Variants in OSBPL10 observed in about 807,000 individuals in gnomAD.
The protein encoded by OSBPL10 is oxysterol-binding protein-related protein 10.
A neutral mutation model predicts 81.7 loss-of-function variants in OSBPL10; 49 were observed. The observed-to-expected ratio is 0.60, with a 90% CI of 0.48 to 0.76. OSBPL10 has a LOEUF of 0.76. Among genes scored for constraint, OSBPL10 ranks in the 30% least tolerant of loss-of-function variants. The pLI is 0.00. For missense variants in OSBPL10, 923 were observed against 987.8 expected (o/e 0.93, Z 0.88); for synonymous variants, 419 against 383.6 (o/e 1.09, Z -1.08).
At chr3:32,021,903 T>C (rs1699366063) in intron 2 of OSBPL10, among the ~76,000 whole-genome samples, 1 of 151,232 alleles carries the variant, frequency 6.6e-6, no homozygotes, top group Non-Finnish European at 1.5e-5. Flanking sequence ...CACCTGAGCC[T>C]GAAGAGGTTG....
intron 4 of OSBPL10, among the ~76,000 whole-genome samples, chr3:31,773,067 CAAAT>C (rs530854734): frequency 8.6e-5 from 13 of 150,630 alleles, no homozygotes; most frequent in East Asian, 3.9e-4. Flanking sequence ...AACAAACTGA[CAAAT>C]AAATAAATAA....
chr3:31,797,087 C>T lies in OSBPL10; in HGVS notation c.729+32953G>A, dbSNP rs191405379. 1.7e-3 allele frequency among the ~76,000 whole-genome samples: 260 copies of T among 150,022 alleles called. 1 individual carries two copies. The highest frequency in any genetic ancestry group is 6.2e-3 in the African/African-American group (253 of 40,854). On this transcript the variant is annotated intron_variant, in intron 4 of 11. Transcript: ENST00000396556. ...TTGGCTCACTGCAAACTCTTTCTCCCGGGTTCAAGTGATTCTCCTGCCTCA... is the reference window on the plus strand; with the variant it reads ...TTGGCTCACTGCAAACTCTTTCTCCTGGGTTCAAGTGATTCTCCTGCCTCA...
chr3:32,028,867 A>G (rs987878619), intron 2 of OSBPL10, among the ~76,000 whole-genome samples: 1 of 150,270 alleles, frequency 6.7e-6, no homozygotes, highest in Non-Finnish European at 1.5e-5. Flanking sequence ...CATGACTCTA[A>G]TCTCTAAGAT....
chr3:31,989,180 C>T, intron 2 of OSBPL10: 1 of 1,614,124 alleles, frequency 6.2e-7, no homozygotes, highest in Non-Finnish European at 8.5e-7. Context: ...ATAGAATTCT[C>T]TTTGGAGGAG....
chr3:32,025,714 A>T (rs9823671), intron 2 of OSBPL10, among the ~76,000 whole-genome samples: 9,569 of 152,248 alleles, frequency 0.063, 513 homozygotes, highest in African/African-American at 0.15. Context: ...CCAGTAATTT[A>T]CATCTTCCTA....
At chr3:31,947,882 G>C (rs9816495) in intron 1 of OSBPL10, among the ~76,000 whole-genome samples, 38,754 of 152,112 alleles carry the variant, frequency 0.25, 5,123 homozygotes, top group East Asian at 0.37. Context: ...TAGGAGTTGA[G>C]ATAAGCCCAG....
intron 1 of OSBPL10, among the ~76,000 whole-genome samples, chr3:31,968,742 A>G (rs182332375): frequency 6.6e-6 from 1 of 152,248 alleles, no homozygotes; most frequent in Non-Finnish European, 1.5e-5. Context: ...GATCTTTGAC[A>G]TAAAAATTCC....
intron 1 of OSBPL10, among the ~76,000 whole-genome samples, chr3:32,047,935 G>T (rs541362845): frequency 6.6e-6 from 1 of 152,170 alleles, no homozygotes; most frequent in South Asian, 2.1e-4. Flanking sequence ...AAAGTGCTGG[G>T]ATTACAGGCA....
intron 4 of OSBPL10, among the ~76,000 whole-genome samples, chr3:31,827,133 G>A (rs1700120671): frequency 6.6e-6 from 1 of 151,754 alleles, no homozygotes. Flanking sequence ...GGCTGGTTTT[G>A]AACTCCTGGC....
intron 5 of OSBPL10, 138 bp downstream of exon 5, chr3:31,747,772 G>T: frequency 2.3e-6 from 2 of 851,914 alleles, no homozygotes; most frequent in Non-Finnish European, 3.8e-6. Context: ...TAGAGACGAA[G>T]GGCAGTAGAA....
intron 1 of OSBPL10, among the ~76,000 whole-genome samples, chr3:32,056,525 C>G (rs1413234141): frequency 1.3e-5 from 2 of 152,184 alleles, no homozygotes; most frequent in Non-Finnish European, 2.9e-5. Context: ...TTAAATTGAA[C>G]ATTTTAATCT....
intron 2 of OSBPL10, among the ~76,000 whole-genome samples, chr3:32,039,526 G>C (rs1699551251): frequency 6.6e-6 from 1 of 151,570 alleles, no homozygotes; most frequent in African/African-American, 2.4e-5. Flanking sequence ...GGGTGTGTTG[G>C]TGGGCACCTG....
chr3:31,817,560 A>ACCCT (rs74838898), intron 4 of OSBPL10, among the ~76,000 whole-genome samples: 29,299 of 151,756 alleles, frequency 0.19, 2,888 homozygotes, highest in Middle Eastern at 0.24. Flanking sequence ...AGCTGCACCC[A>ACCCT]CACCCACACC....
intron 4 of OSBPL10, among the ~76,000 whole-genome samples, chr3:31,814,124 G>A (rs1027277936): frequency 1.3e-5 from 2 of 152,166 alleles, no homozygotes; most frequent in African/African-American, 2.4e-5. Flanking sequence ...CTACTCCTGT[G>A]CCTGACAAGC....
At chr3:31,769,464 AAAAAAC>A (rs1698305100) in intron 4 of OSBPL10, among the ~76,000 whole-genome samples, 1 of 97,822 alleles carries the variant, frequency 1.0e-5, no homozygotes, top group African/African-American at 3.7e-5. Flanking sequence ...AAAAACAAAA[AAAAAAC>A]AAAAAAAAAC....
chr3:32,026,061 A>AGATGATAGATAGATAGATAGATAGAT (rs71628593), intron 2 of OSBPL10, among the ~76,000 whole-genome samples: 7 of 90,760 alleles, frequency 7.7e-5, no homozygotes, highest in African/African-American at 2.5e-4. Context: ...GATAGATGAT[A>AGATGATAGATAGATAGATAGATAGAT]GATAGATAGA....
At chr3:31,929,280 A>T (rs1054342684) in intron 1 of OSBPL10, among the ~76,000 whole-genome samples, 1 of 152,242 alleles carries the variant, frequency 6.6e-6, no homozygotes, top group African/African-American at 2.4e-5. Context: ...CAGGAACAAA[A>T]TAAGAACCAG....
At chr3:31,963,621 A>G (rs1000241676) in intron 1 of OSBPL10, among the ~76,000 whole-genome samples, 4 of 152,120 alleles carry the variant, frequency 2.6e-5, no homozygotes, top group African/African-American at 9.7e-5. Context: ...TCCATAGGAC[A>G]TTTCGTAGAG....
At chr3:31,838,532 A>C (rs1040066761) in intron 3 of OSBPL10, among the ~76,000 whole-genome samples, 5 of 129,592 alleles carry the variant, frequency 3.9e-5, no homozygotes, top group Non-Finnish European at 6.7e-5. Flanking sequence ...AAAAAAAAAA[A>C]AAAAACCTCA....
Sources: gnomAD v4.1 joint callset for allele counts (sites outside exome capture counted in the v4.1 genomes callset) on GRCh38, gnomAD v4.1.1 for gene constraint, MANE v1.5 for transcripts, NCBI Gene and HGNC (gene_info 2026-07-23, HGNC 2026-07-21) for gene names.